The following STK33 variants were observed in gnomAD, a reference collection of about 807,000 sequenced individuals.
The protein encoded by STK33 is serine/threonine-protein kinase 33.
In STK33, 52 loss-of-function variants were observed where a neutral mutation model predicts 58.0. The observed-to-expected ratio is 0.90, with a 90% CI of 0.72 to 1.13. The LOEUF is 1.13. Ranked by LOEUF, STK33 falls within the 50% of genes most tolerant of loss-of-function variation. STK33 has a pLI of 0.00. For synonymous variants in STK33, 215 were observed against 200.1 expected (o/e 1.07, Z -0.63); for missense variants, 630 against 604.2 (o/e 1.04, Z -0.45).
At chr11:8,401,205 C>G (rs1264038740) in intron 15 of STK33, among the ~76,000 whole-genome samples, 4 of 152,148 alleles carry the variant, frequency 2.6e-5, no homozygotes, top group Non-Finnish European at 4.4e-5. Flanking sequence ...ATCACGCTAC[C>G]TGACTTCAAA....
intron 1 of STK33, among the ~76,000 whole-genome samples, chr11:8,583,351 G>A (rs2030789479): frequency 6.6e-6 from 1 of 152,092 alleles, no homozygotes; most frequent in Non-Finnish European, 1.5e-5. Flanking sequence ...AAAAAAAATG[G>A]CATCTAGTAC....
intron 11 of STK33, among the ~76,000 whole-genome samples, chr11:8,442,781 A>C (rs1301717603): frequency 6.6e-6 from 1 of 152,256 alleles, no homozygotes; most frequent in Non-Finnish European, 1.5e-5. Flanking sequence ...TATACTCTTC[A>C]GCAATAAAAA....
At chr11:8,589,731 T>C (rs907296591) in intron 1 of STK33, among the ~76,000 whole-genome samples, 1 of 152,190 alleles carries the variant, frequency 6.6e-6, no homozygotes, top group Non-Finnish European at 1.5e-5. Flanking sequence ...CAAAGAGATA[T>C]GACAGAAAAG....
the STK33 span, among the ~76,000 whole-genome samples, chr11:8,378,218 TG>T: frequency 2.3e-4 from 35 of 152,296 alleles, 1 homozygote; most frequent in African/African-American, 7.9e-4. Flanking sequence ...CAGAGCGAAG[TG>T]GGGGGAAGCC....
chr11:8,437,445 G>A (rs1206437056), intron 12 of STK33, among the ~76,000 whole-genome samples: 2 of 152,158 alleles, frequency 1.3e-5, no homozygotes, highest in Non-Finnish European at 2.9e-5. Context: ...TTTGTCCAAT[G>A]ACAACCAGAC....
intron 9 of STK33, 84 bp downstream of exon 9, chr11:8,457,257 C>A: frequency 8.0e-7 from 1 of 1,249,542 alleles, no homozygotes; most frequent in South Asian, 2.7e-5. Flanking sequence ...ATTTATATGA[C>A]TATGAATCTG....
chr11:8,398,137 G>C lies in STK33; in HGVS notation c.1345-5427C>G, dbSNP rs534363513. The stretch of plus-strand genomic sequence containing the variant: ...GCCACAAAGATACTCCTCGAGAAGA[G>C]CAACTCCAAGACACATAATTGTCAG... On this transcript the variant is annotated intron_variant, in intron 15 of 15. Transcript: ENST00000687296. 1.1e-3 allele frequency among the ~76,000 whole-genome samples: 172 copies of C among 152,222 alleles called. 1 individual carries two copies. The highest frequency in any genetic ancestry group is 0.01 in the Middle Eastern group (3 of 294).
intron 1 of STK33, among the ~76,000 whole-genome samples, chr11:8,520,445 G>T (rs1445078050): frequency 1.3e-5 from 2 of 152,144 alleles, no homozygotes; most frequent in Non-Finnish European, 2.9e-5. Context: ...AGACAGGGAT[G>T]CCCTCTCTCA....
At chr11:8,436,638 A>G (rs191495049) in intron 12 of STK33, among the ~76,000 whole-genome samples, 1 of 152,356 alleles carries the variant, frequency 6.6e-6, no homozygotes, top group East Asian at 1.9e-4. Context: ...TTTTATCCAT[A>G]GTAAAATACT....
chr11:8,561,881 A>G lies in STK33; in HGVS notation c.-466+32202T>C, dbSNP rs191563438. On this transcript the variant is annotated intron_variant, in intron 1 of 15. Transcript: ENST00000687296. Reference sequence around the variant, plus strand: ...AACGCCACCAGGACTGCTTATCTCAACTAGGGCTATTTTTCTTTTGTCTCT... The same window carrying G: ...AACGCCACCAGGACTGCTTATCTCAGCTAGGGCTATTTTTCTTTTGTCTCT... 2.3e-3 allele frequency among the ~76,000 whole-genome samples: 343 copies of G among 152,244 alleles called. 1 individual carries two copies. Among genetic ancestry groups the G allele is most frequent in the African/African-American group, 8.1e-3 (336 of 41,546 alleles).
chr11:8,439,017 T>C (rs1256756898), intron 12 of STK33, among the ~76,000 whole-genome samples: 2 of 152,192 alleles, frequency 1.3e-5, no homozygotes, highest in East Asian at 3.8e-4. Context: ...AAAATGTAAC[T>C]ACTGTGATGT....
intron 11 of STK33, among the ~76,000 whole-genome samples, chr11:8,450,399 C>A (rs1376138399): frequency 6.6e-6 from 1 of 151,866 alleles, no homozygotes; most frequent in African/African-American, 2.4e-5. Context: ...CACACCGGGG[C>A]CTGTTGGGGG....
intron 1 of STK33, among the ~76,000 whole-genome samples, chr11:8,484,214 G>C (rs1950045396): frequency 1.3e-5 from 2 of 152,164 alleles, no homozygotes; most frequent in Admixed American, 1.3e-4. Context: ...TAGATGGTGT[G>C]TATATATCTG....
chr11:8,413,384 C>G (rs553956757), intron 15 of STK33, 111 bp downstream of exon 15: 1 of 1,183,512 alleles, frequency 8.4e-7, no homozygotes, highest in Non-Finnish European at 1.2e-6. Context: ...CTATATAACG[C>G]TCGGCCTTTG....
intron 14 of STK33, among the ~76,000 whole-genome samples, chr11:8,417,772 T>A (rs1941336002): frequency 6.6e-6 from 1 of 152,070 alleles, no homozygotes; most frequent in African/African-American, 2.4e-5. Context: ...TTTCACCTAA[T>A]AGATAGACAA....
At chr11:8,348,022 G>A in the STK33 span, among the ~76,000 whole-genome samples, 3 of 152,218 alleles carry the variant, frequency 2.0e-5, no homozygotes, top group Non-Finnish European at 4.4e-5. Flanking sequence ...TCCCTGAGAG[G>A]AGAAGAGACA....
chr11:8,385,155 T>C, the STK33 span, among the ~76,000 whole-genome samples: 35,992 of 152,100 alleles, frequency 0.24, 4,541 homozygotes, highest in African/African-American at 0.31. Context: ...ACATATTTCA[T>C]ATCAATCCAT....
At chr11:8,445,427 G>A (rs1452224556) in intron 11 of STK33, among the ~76,000 whole-genome samples, 2 of 152,298 alleles carry the variant, frequency 1.3e-5, no homozygotes, top group South Asian at 4.2e-4. Flanking sequence ...TTGAATAGGA[G>A]TGGTGAGAGA....
intron 1 of STK33, among the ~76,000 whole-genome samples, chr11:8,516,200 A>G (rs894970163): frequency 7.9e-5 from 12 of 152,362 alleles, no homozygotes; most frequent in Admixed American, 5.9e-4. Flanking sequence ...ACTGCCATAA[A>G]GATAAACATA....
Sources: allele counts gnomAD v4.1 joint callset (sites outside exome capture counted in the v4.1 genomes callset), GRCh38; gene constraint gnomAD v4.1.1; transcripts MANE v1.5; gene names NCBI Gene and HGNC (gene_info 2026-07-23, HGNC 2026-07-21).